The following USP25 variants were observed in gnomAD, a reference collection of about 807,000 sequenced individuals.
The protein encoded by USP25 is ubiquitin specific peptidase 25.
USP25 carries 85 observed loss-of-function variants against 158.5 expected under a neutral mutation model. The ratio of observed to expected loss-of-function variants is 0.54; its 90% CI spans 0.45 to 0.64. USP25 has a LOEUF of 0.64. Ranked by LOEUF, USP25 falls within the 30% of genes least tolerant of loss-of-function variation. The probability of loss-of-function intolerance (pLI) is 0.00; values close to 1 mark genes in which losing one functional copy is unlikely to be tolerated. For synonymous variants in USP25, 464 were observed against 460.4 expected (o/e 1.01, Z -0.10); for missense variants, 1,242 against 1,327.3 (o/e 0.94, Z 1.00).
At chr21:15,755,244 A>G (rs115601532) in intron 1 of USP25, among the ~76,000 whole-genome samples, 3,905 of 152,154 alleles carry the variant, frequency 0.026, 172 homozygotes, top group African/African-American at 0.086. Context: ...CCTATCCCCA[A>G]GGATGGAAAC....
intron 1 of USP25, among the ~76,000 whole-genome samples, chr21:15,747,190 T>G (rs2032626865): frequency 6.6e-6 from 1 of 152,162 alleles, no homozygotes; most frequent in Non-Finnish European, 1.5e-5. Context: ...TAGATACTAC[T>G]TTTGTTTTTC....
intron 1 of USP25, among the ~76,000 whole-genome samples, chr21:15,752,211 G>A (rs1334864079): frequency 6.6e-6 from 1 of 151,948 alleles, no homozygotes; most frequent in Non-Finnish European, 1.5e-5. Flanking sequence ...GGGATTACAG[G>A]CGTGAGCCAC....
intron 1 of USP25, among the ~76,000 whole-genome samples, chr21:15,745,304 T>G (rs530688855): frequency 2.6e-5 from 4 of 152,196 alleles, no homozygotes; most frequent in Non-Finnish European, 4.4e-5. Flanking sequence ...ATTCTTTATA[T>G]TTTGGTTGTC....
At chr21:15,808,546 T>TTGTGTGTGTGTGTGTGTG (rs35849786) in intron 7 of USP25, among the ~76,000 whole-genome samples, 10 of 148,478 alleles carry the variant, frequency 6.7e-5, no homozygotes, top group African/African-American at 2.5e-4. Flanking sequence ...TGGTTTTTGA[T>TTGTGTGTGTGTGTGTGTG]TGTGTGTGTG....
At chr21:15,792,305 C>T (rs1210998235) in intron 5 of USP25, among the ~76,000 whole-genome samples, 2 of 151,092 alleles carry the variant, frequency 1.3e-5, no homozygotes, top group Non-Finnish European at 3.0e-5. Flanking sequence ...TTTTCTTTTA[C>T]GTGTTTAACA....
chr21:15,875,924 A>G lies in USP25; in HGVS notation c.3009+1398A>G, dbSNP rs1405526124. On this transcript the variant is annotated intron_variant, in intron 24 of 25. Transcript: ENST00000400183. The surrounding 1 kb of genome is among the most constrained non-coding windows in gnomAD (Gnocchi z 4.7). ...TAGCATTCTAGAGGATGAACAGGAA[A>G]GAAGTAGATTGAAGTCAAGAACCTT... 6.6e-6 allele frequency: 1 copy of G among 152,264 alleles called. No homozygotes were observed. Among genetic ancestry groups the G allele is most frequent in the African/African-American group, 2.4e-5 (1 of 41,458 alleles). The allele number at this position is 152,264 out of a possible 1,614,324, so 9.4% of individuals were successfully genotyped here. A position where few individuals can be genotyped will look rare whatever the true frequency, so the allele number is the denominator to read the frequency against.
intron 17 of USP25, 46 bp from the exon 18 acceptor site, chr21:15,842,352 C>T: frequency 6.3e-7 from 1 of 1,590,896 alleles, no homozygotes; most frequent in South Asian, 1.1e-5. Context: ...TTAGTATAGA[C>T]TCTGTGGTTT....
intron 7 of USP25, among the ~76,000 whole-genome samples, chr21:15,807,626 C>T (rs1474805490): frequency 6.6e-6 from 1 of 152,174 alleles, no homozygotes; most frequent in Non-Finnish European, 1.5e-5. Context: ...CTTGAGGCAG[C>T]ATAGCTCCAA....
At chr21:15,838,819 A>G (rs758573254) in intron 17 of USP25, among the ~76,000 whole-genome samples, 11 of 152,290 alleles carry the variant, frequency 7.2e-5, no homozygotes, top group African/African-American at 2.2e-4. Context: ...TAGAAAGCCA[A>G]TTGGTGGTAA....
intron 3 of USP25, chr21:15,773,304 C>G (rs1342919847): frequency 6.6e-6 from 1 of 152,438 alleles, no homozygotes; most frequent in African/African-American, 2.4e-5. Flanking sequence ...TGCGAGGATG[C>G]AAGGGCAAGG....
chr21:15,753,979 G>A (rs967891678), intron 1 of USP25, among the ~76,000 whole-genome samples: 2 of 152,148 alleles, frequency 1.3e-5, no homozygotes, highest in Non-Finnish European at 2.9e-5. Flanking sequence ...AATAAAGGGT[G>A]TCTTGTGTAG....
rs2026853 is a variant in USP25, at chr21:15,826,970, G to A, written c.1467-7G>A. ...GTTAATAAGAAATACTCTATGCTTT[G>A]ATACAGCACAACAGAACAACAGGGA... On this transcript the variant is annotated splice_polypyrimidine_tract_variant and splice_region_variant and intron_variant, in intron 13 of 25. Coordinates refer to ENST00000400183, the MANE Select transcript of USP25 (RefSeq NM_001283041.3). This position sits in a 1 kb window ranked among gnomAD's most constrained non-coding sequence, Gnocchi z 4.8. 182,088 of 1,612,256 alleles carry A rather than the reference G, an allele frequency of 0.11. 15,403 individuals carry two copies. The highest frequency in any genetic ancestry group is 0.45 in the African/African-American group (33,652 of 74,902).
chr21:15,865,510 T>C (rs538624184), intron 21 of USP25, among the ~76,000 whole-genome samples: 63 of 152,322 alleles, frequency 4.1e-4, no homozygotes, highest in Non-Finnish European at 4.1e-4. Context: ...TCAGTGAATG[T>C]TGGCCACTAC....
intron 6 of USP25, among the ~76,000 whole-genome samples, chr21:15,803,973 G>A (rs2036255122): frequency 6.6e-6 from 1 of 151,850 alleles, no homozygotes; most frequent in African/African-American, 2.4e-5. Flanking sequence ...AATGCCAACT[G>A]TGTAAATTTG....
intron 20 of USP25, among the ~76,000 whole-genome samples, chr21:15,860,591 T>C (rs562022372): frequency 6.6e-6 from 1 of 152,174 alleles, no homozygotes; most frequent in Non-Finnish European, 1.5e-5. Flanking sequence ...TTGGAAGATA[T>C]CTCTATTTAT....
At chr21:15,877,769 C>CTT (rs752412491) in intron 24 of USP25, 27 bp from the exon 25 acceptor site, 22 of 1,334,766 alleles carry the variant, frequency 1.6e-5, no homozygotes, top group East Asian at 2.7e-5. Context: ...AAAACCTATT[C>CTT]TTTTTTTTTT....
intron 5 of USP25, among the ~76,000 whole-genome samples, chr21:15,796,480 C>A (rs2035867228): frequency 6.6e-6 from 1 of 151,414 alleles, no homozygotes; most frequent in African/African-American, 2.4e-5. Context: ...CTTTAGGCAT[C>A]TCCAGAACTG....
intron 20 of USP25, among the ~76,000 whole-genome samples, chr21:15,861,369 G>A (rs374613396): frequency 8.1e-4 from 123 of 152,216 alleles, no homozygotes; most frequent in African/African-American, 2.8e-3. Context: ...AAATTAAATA[G>A]CAGTTCTGTC....
At position 15,875,887 on chromosome 21, in the gene USP25, T is replaced by C. The variant is rs1467428418; in HGVS notation, c.3009+1361T>C. On this transcript the variant is annotated intron_variant, in intron 24 of 25. Transcript: ENST00000400183. This position sits in a 1 kb window ranked among gnomAD's most constrained non-coding sequence, Gnocchi z 4.7. The stretch of plus-strand genomic sequence containing the variant: ...GAGGTTTGTTTTCAGAAAATAATTC[T>C]GGTAATAATAATAGCATTCTAGAGG... 6.6e-6 allele frequency: 1 copy of C among 152,222 alleles called. No homozygotes were observed. The highest frequency in any genetic ancestry group is 1.5e-5 in the Non-Finnish European group (1 of 68,042). The allele number at this position is 152,222 out of a possible 1,614,324, so 9.4% of individuals were successfully genotyped here. A position where few individuals can be genotyped will look rare whatever the true frequency, so the allele number is the denominator to read the frequency against.
Sources: allele counts gnomAD v4.1 joint callset (sites outside exome capture counted in the v4.1 genomes callset), GRCh38; gene constraint gnomAD v4.1.1; non-coding constraint Gnocchi (gnomAD v3.1); transcripts MANE v1.5; gene names NCBI Gene and HGNC (gene_info 2026-07-23, HGNC 2026-07-21).